PIKFYVE: variants seen among roughly 807,000 people sequenced by gnomAD.
The protein encoded by PIKFYVE is phosphoinositide kinase, FYVE-type zinc finger containing.
In PIKFYVE, 122 loss-of-function variants were observed where a neutral mutation model predicts 257.9. That is an observed-to-expected ratio of 0.47 (90% CI 0.41 to 0.55). The LOEUF is 0.55. PIKFYVE is among the 20% of genes least tolerant of loss of function. The pLI is 0.00. For synonymous variants in PIKFYVE, 892 were observed against 868.9 expected (o/e 1.03, Z -0.47); for missense variants, 2,160 against 2,536.6 (o/e 0.85, Z 3.19).
At chr2:208,340,248 AT>A in intron 31 of PIKFYVE, 117 bp downstream of exon 31, 1 of 1,334,868 alleles carries the variant, frequency 7.5e-7, no homozygotes, top group Non-Finnish European at 1.1e-6. Context: ...ATTTTATTTC[AT>A]TTTAGTAAAA....
chr2:208,304,098 A>G, intron 10 of PIKFYVE, 73 bp from the exon 11 acceptor site: 3 of 1,512,808 alleles, frequency 2.0e-6, no homozygotes, highest in Admixed American at 3.3e-5. Context: ...ACTACAATTT[A>G]TTTATAGTGT....
intron 9 of PIKFYVE, among the ~76,000 whole-genome samples, chr2:208,301,733 T>G (rs1404742216): frequency 6.6e-6 from 1 of 152,198 alleles, no homozygotes; most frequent in Non-Finnish European, 1.5e-5. Flanking sequence ...AGGAAAATTG[T>G]GTGGTCCTGT....
chr2:208,321,767 A>G (rs572425782), intron 17 of PIKFYVE, among the ~76,000 whole-genome samples: 1 of 151,536 alleles, frequency 6.6e-6, no homozygotes, highest in African/African-American at 2.4e-5. Flanking sequence ...TTTAGTAGAG[A>G]CGGGGTTTCA....
At chr2:208,333,931 T>C (rs560182382) in intron 24 of PIKFYVE, among the ~76,000 whole-genome samples, 1 of 152,304 alleles carries the variant, frequency 6.6e-6, no homozygotes, top group Non-Finnish European at 1.5e-5. Context: ...GTGTGAGCCA[T>C]CATGTCGGGC....
chr2:208,332,561 C>T (rs1396243801), intron 23 of PIKFYVE, among the ~76,000 whole-genome samples: 5 of 152,068 alleles, frequency 3.3e-5, no homozygotes, highest in Admixed American at 1.3e-4. Context: ...CTTGTAATGT[C>T]TTAAAGGCAC....
At chr2:208,338,449 A>G in intron 28 of PIKFYVE, 59 bp from the exon 29 acceptor site, 1 of 1,551,162 alleles carries the variant, frequency 6.4e-7, no homozygotes, top group Non-Finnish European at 8.9e-7. Flanking sequence ...TGGATTAAAA[A>G]ATTTTTTGAA....
chr2:208,304,409 C>A, intron 11 of PIKFYVE, 91 bp downstream of exon 11: 2 of 1,506,302 alleles, frequency 1.3e-6, no homozygotes, highest in Non-Finnish European at 1.8e-6. Flanking sequence ...AATAATTCAG[C>A]TTTATAATTT....
At chr2:208,351,214 C>A in intron 37 of PIKFYVE, 138 bp from the exon 38 acceptor site, 2 of 884,696 alleles carry the variant, frequency 2.3e-6, no homozygotes, top group Non-Finnish European at 1.8e-6. Context: ...GTGTTCTGAT[C>A]AAAATTTTCA....
intron 16 of PIKFYVE, among the ~76,000 whole-genome samples, chr2:208,319,874 T>C (rs2125519840): frequency 6.6e-6 from 1 of 152,302 alleles, no homozygotes; most frequent in Admixed American, 6.5e-5. Flanking sequence ...CAGACTAAAA[T>C]ATGCTTTTAA....
chr2:208,343,782 T>C (rs1159036010), intron 32 of PIKFYVE, among the ~76,000 whole-genome samples: 1 of 152,128 alleles, frequency 6.6e-6, no homozygotes, highest in Non-Finnish European at 1.5e-5. Context: ...ATCTTAAAGC[T>C]ATATCCACTG....
At position 208,300,706 on chromosome 2, in the gene PIKFYVE, A is replaced by G. The variant is rs547350612; in HGVS notation, c.1051-231A>G. Among the ~76,000 whole-genome samples, 3 of 152,312 alleles carry G rather than the reference A, an allele frequency of 2.0e-5. No homozygotes were observed. In the South Asian group the frequency reaches 6.2e-4, roughly 32 times the overall value. On this transcript the variant is annotated intron_variant, in intron 8 of 41. Transcript: ENST00000264380. ...AATATGTGCCATTGACTGAAAAAAGAAGTATTTGGAATAGTTGGTTTTCAA... is the reference window on the plus strand; with the variant it reads ...AATATGTGCCATTGACTGAAAAAAGGAGTATTTGGAATAGTTGGTTTTCAA...
Position 208,266,254 on chromosome 2 carries a change from CG to C in PIKFYVE, c.-170del, listed in dbSNP as rs1688606524. The stretch of plus-strand genomic sequence containing the variant: ...AGGGCGGAGTCTTGGGGGGGGGAAG[CG>C]AGAAGCCGCATCAACCATGTAAGCA... On this transcript the variant is annotated 5_prime_UTR_variant, in exon 1 of 42. Transcript: ENST00000264380. 2 of 151,578 alleles carry C rather than the reference CG, an allele frequency of 1.3e-5. No individual in the cohort carries two copies. Among genetic ancestry groups the C allele is most frequent in the African/African-American group, 2.4e-5 (1 of 41,168 alleles). The allele number at this position is 151,578 out of a possible 1,614,324, so 9.4% of individuals were successfully genotyped here.
intron 5 of PIKFYVE, among the ~76,000 whole-genome samples, chr2:208,285,262 A>C (rs1422723992): frequency 1.3e-5 from 2 of 151,888 alleles, no homozygotes; most frequent in Non-Finnish European, 2.9e-5. Flanking sequence ...TGCCCGGCTA[A>C]TTTTTGTATT....
chr2:208,287,928 T>G (rs1215994957), intron 6 of PIKFYVE, among the ~76,000 whole-genome samples: 2 of 56,034 alleles, frequency 3.6e-5, no homozygotes, highest in Admixed American at 2.7e-4. Flanking sequence ...CTTTGGTGTT[T>G]ATGGCATTAT....
chr2:208,349,917 C>G (rs942981447), intron 35 of PIKFYVE, 107 bp from the exon 36 acceptor site: 82 of 1,512,994 alleles, frequency 5.4e-5, no homozygotes, highest in Non-Finnish European at 6.5e-5. Context: ...GATATTTTTA[C>G]TTTTAATTTG....
At chr2:208,318,890 G>A (rs1388377455) in intron 16 of PIKFYVE, among the ~76,000 whole-genome samples, 2 of 145,344 alleles carry the variant, frequency 1.4e-5, no homozygotes, top group East Asian at 4.1e-4. Context: ...GGCGAAGGTT[G>A]CAGTGAGCTG....
chr2:208,345,102 T>C lies in PIKFYVE; in HGVS notation c.5028-9T>C. 1 of 1,577,886 alleles carries C rather than the reference T, an allele frequency of 6.3e-7. No homozygotes were observed. The highest frequency in any genetic ancestry group is 8.7e-7 in the Non-Finnish European group (1 of 1,147,030). ...TGTTTAACGTTTTTCAACCTATTTCTGCCCTAAGTTGTAAAGAATACCGAA... is the reference window on the plus strand; with the variant it reads ...TGTTTAACGTTTTTCAACCTATTTCCGCCCTAAGTTGTAAAGAATACCGAA... On this transcript the variant is annotated splice_polypyrimidine_tract_variant and intron_variant, in intron 32 of 41. Transcript: ENST00000264380.
chr2:208,324,639 T>C (rs1202369622), intron 18 of PIKFYVE, among the ~76,000 whole-genome samples: 1 of 152,196 alleles, frequency 6.6e-6, no homozygotes, highest in Non-Finnish European at 1.5e-5. Flanking sequence ...TTCTAGGAAG[T>C]TGTTTTTCTC....
At chr2:208,340,212 T>C in intron 31 of PIKFYVE, 81 bp downstream of exon 31, 4 of 1,515,708 alleles carry the variant, frequency 2.6e-6, no homozygotes, top group Non-Finnish European at 3.6e-6. Context: ...AATATATTTA[T>C]CTGATGCATG....
Sources: gnomAD v4.1 joint callset for allele counts (sites outside exome capture counted in the v4.1 genomes callset) on GRCh38, gnomAD v4.1.1 for gene constraint, MANE v1.5 for transcripts, NCBI Gene and HGNC (gene_info 2026-07-23, HGNC 2026-07-21) for gene names.